The following LHCGR variants were observed in gnomAD, a reference collection of about 807,000 sequenced individuals.
LHCGR encodes the protein luteinizing hormone/choriogonadotropin receptor, also known as lutropin-choriogonadotropic hormone receptor.
LHCGR carries 55 observed loss-of-function variants against 60.7 expected under a neutral mutation model. That is an observed-to-expected ratio of 0.91 (90% CI 0.73 to 1.13). The LOEUF is 1.13. Among genes scored for constraint, LHCGR ranks in the 50% most tolerant of loss-of-function variants. The pLI is 0.00. For synonymous variants in LHCGR, 337 were observed against 316.5 expected (o/e 1.06, Z -0.69); for missense variants, 862 against 836.0 (o/e 1.03, Z -0.38).
At chr2:48,744,833 A>C (rs1479175683) in intron 1 of LHCGR, among the ~76,000 whole-genome samples, 1 of 151,918 alleles carries the variant, frequency 6.6e-6, no homozygotes, top group East Asian at 1.9e-4. Context: ...ACAAAAGCCA[A>C]AATTGACAAA....
chr2:48,701,105 A>C (rs565676203), intron 8 of LHCGR, among the ~76,000 whole-genome samples: 1 of 152,062 alleles, frequency 6.6e-6, no homozygotes, highest in African/African-American at 2.4e-5. Context: ...AGCAGGAAGG[A>C]GTTAGGAAAT....
chr2:48,698,664 A>G lies in LHCGR; in HGVS notation c.817T>C (p.Leu273=). Residue 273 remains leucine (L), a synonymous_variant, in exon 9 of 11, where the codon TTG becomes CTG. Transcript: ENST00000294954. ...ETFVNLLEAT[L]TYPSHCCAFR... ...GCACAGCAGTGGCTGGGGTAAGTCAACGTGGCCTCCAGGAGATTGACAAAT... is the reference window on the plus strand; with the variant it reads ...GCACAGCAGTGGCTGGGGTAAGTCAGCGTGGCCTCCAGGAGATTGACAAAT... 3.7e-6 allele frequency: 6 copies of G among 1,614,176 alleles called. No individual in the cohort carries two copies. The highest frequency in any genetic ancestry group is 5.1e-6 in the Non-Finnish European group (6 of 1,180,040).
At chr2:48,728,838 C>G (rs771501530) in intron 3 of LHCGR, among the ~76,000 whole-genome samples, 2 of 152,132 alleles carry the variant, frequency 1.3e-5, no homozygotes, top group Non-Finnish European at 2.9e-5. Flanking sequence ...TCCAAATTTT[C>G]CCACTATCCC....
In LHCGR at chr2:48,752,981, C is replaced by CGGGGGGGGGGG. The variant is rs60837194; in HGVS notation, c.161+2519_161+2529dup. ...AAATAGGTGTTATGCCGGATTTTGG[C>CGGGGGGGGGGG]GGGGGGGGGGGGGGGTGGGGAAGGG... is the stretch of plus-strand genomic sequence containing the variant. On this transcript the variant is annotated intron_variant, in intron 1 of 10. Transcript: ENST00000294954. Among the ~76,000 whole-genome samples, 9 of 7,598 alleles carry CGGGGGGGGGGG rather than the reference C, an allele frequency of 1.2e-3. 1 individual carries two copies. The highest frequency in any genetic ancestry group is 5.7e-3 in the Admixed American group (4 of 696). The allele number at this position is 7,598 out of a possible 152,430, so 5.0% of individuals were successfully genotyped here.
rs187901959 is a variant in LHCGR, at chr2:48,740,976, C to T, written c.162-9678G>A. ...TAGAAGAATGTATAACTAGAATAAC[C>T]GATACAGAGAAGTGCTTAAAAGAGC... On this transcript the variant is annotated intron_variant, in intron 1 of 10. Coordinates refer to ENST00000294954, the MANE Select transcript of LHCGR (RefSeq NM_000233.4). 7.7e-4 allele frequency among the ~76,000 whole-genome samples: 117 copies of T among 152,174 alleles called. 1 individual carries two copies. The highest frequency in any genetic ancestry group is 1.5e-3 in the African/African-American group (61 of 41,494).
At position 48,742,693 on chromosome 2, in the gene LHCGR, G is replaced by T. The variant is rs559432901; in HGVS notation, c.162-11395C>A. 2.0e-5 allele frequency among the ~76,000 whole-genome samples: 3 copies of T among 152,174 alleles called. No individual in the cohort carries two copies. In the East Asian group the frequency reaches 5.8e-4, roughly 29 times the overall value. On this transcript the variant is annotated intron_variant, in intron 1 of 10. Transcript: ENST00000294954. ...GAATCTCTGGGACGCATTCAAAGCA[G>T]TGTGTAGAGGGAAATTTTTAGCACT...
At chr2:48,751,624 A>C (rs372885676) in intron 1 of LHCGR, among the ~76,000 whole-genome samples, 1 of 152,196 alleles carries the variant, frequency 6.6e-6, no homozygotes. Flanking sequence ...GGCACTGAAC[A>C]CTGTTTTGGA....
chr2:48,708,548 CCACACACA>C (rs5831001), intron 8 of LHCGR, among the ~76,000 whole-genome samples: 1 of 150,448 alleles, frequency 6.6e-6, no homozygotes, highest in Non-Finnish European at 1.5e-5. Context: ...AGATACCCAC[CCACACACA>C]CACACACACA....
intron 1 of LHCGR, among the ~76,000 whole-genome samples, chr2:48,753,100 T>G (rs1468554997): frequency 2.0e-5 from 3 of 151,780 alleles, no homozygotes; most frequent in Non-Finnish European, 4.4e-5. Context: ...AACTTTAGTA[T>G]GCATCAGAAT....
chr2:48,745,029 G>A (rs1364286431), intron 1 of LHCGR, among the ~76,000 whole-genome samples: 2 of 151,986 alleles, frequency 1.3e-5, no homozygotes, highest in African/African-American at 4.8e-5. Context: ...TCAAAAAGTG[G>A]GCGAAGGACA....
chr2:48,732,405 C>T lies in LHCGR; in HGVS notation c.162-1107G>A, dbSNP rs143894833. On this transcript the variant is annotated intron_variant, in intron 1 of 10. Coordinates refer to ENST00000294954, the MANE Select transcript of LHCGR (RefSeq NM_000233.4). ...TAGGAAAGAACACCTCCATGATGGG[C>T]AGATGAAAGTAAGATTTCTTACAGT... Among the ~76,000 whole-genome samples the T allele has an allele frequency of 3.2e-3, 487 of 152,280 alleles. 3 individuals are homozygous for T. The highest frequency in any genetic ancestry group is 0.011 in the African/African-American group (453 of 41,552).
intron 8 of LHCGR, among the ~76,000 whole-genome samples, chr2:48,701,420 G>C (rs552642116): frequency 1.3e-5 from 2 of 152,112 alleles, no homozygotes; most frequent in Non-Finnish European, 2.9e-5. Context: ...CCTCCTTGCT[G>C]TTCTTCAAAT....
At chr2:48,694,081 A>G (rs867885787) in intron 10 of LHCGR, 143 bp downstream of exon 10, 8 of 651,258 alleles carry the variant, frequency 1.2e-5, no homozygotes, top group Middle Eastern at 3.9e-4. Flanking sequence ...CAAAGAAAAA[A>G]TTCCCATTTT....
chr2:48,695,986 G>A (rs1667098663), intron 9 of LHCGR, among the ~76,000 whole-genome samples: 1 of 151,856 alleles, frequency 6.6e-6, no homozygotes, highest in South Asian at 2.1e-4. Context: ...ACTGGTACAT[G>A]TACCCCCTGT....
At chr2:48,740,985 G>A (rs1669423805) in intron 1 of LHCGR, among the ~76,000 whole-genome samples, 1 of 152,200 alleles carries the variant, frequency 6.6e-6, no homozygotes, top group Non-Finnish European at 1.5e-5. Flanking sequence ...CCGATACAGA[G>A]AAGTGCTTAA....
At chr2:48,740,198 T>C (rs1669377910) in intron 1 of LHCGR, among the ~76,000 whole-genome samples, 1 of 152,240 alleles carries the variant, frequency 6.6e-6, no homozygotes, top group African/African-American at 2.4e-5. Flanking sequence ...CTTACGCCCA[T>C]GGAGTCTCAC....
intron 1 of LHCGR, 145 bp from the exon 2 acceptor site, chr2:48,731,443 C>T: frequency 1.5e-6 from 1 of 649,614 alleles, no homozygotes; most frequent in Non-Finnish European, 2.8e-6. Flanking sequence ...AGGATTCTAA[C>T]TTAAATCAAT....
intron 1 of LHCGR, among the ~76,000 whole-genome samples, chr2:48,750,890 C>G (rs952247274): frequency 6.6e-6 from 1 of 152,182 alleles, no homozygotes; most frequent in African/African-American, 2.4e-5. Flanking sequence ...GCGCTCCTGG[C>G]CAGGGATGCT....
intron 1 of LHCGR, among the ~76,000 whole-genome samples, chr2:48,735,474 T>C (rs1669171497): frequency 6.6e-6 from 1 of 152,200 alleles, no homozygotes; most frequent in Non-Finnish European, 1.5e-5. Context: ...CTTCTCTTAG[T>C]TCCTGCCTTC....
Sources: gnomAD v4.1 joint callset for allele counts (sites outside exome capture counted in the v4.1 genomes callset) on GRCh38, gnomAD v4.1.1 for gene constraint, MANE v1.5 for transcripts, NCBI Gene and HGNC (gene_info 2026-07-23, HGNC 2026-07-21) for gene names.